The following DCLK2 variants were observed in gnomAD, a reference collection of about 807,000 sequenced individuals.
DCLK2 encodes the protein serine/threonine-protein kinase DCLK2.
In DCLK2, 31 loss-of-function variants were observed where a neutral mutation model predicts 78.4. The ratio of observed to expected loss-of-function variants is 0.40; its 90% CI spans 0.30 to 0.53. DCLK2 has a LOEUF of 0.53. Ranked by LOEUF, DCLK2 falls within the 20% of genes least tolerant of loss-of-function variation. DCLK2 has a pLI of 0.61. For missense variants in DCLK2, 872 were observed against 973.7 expected (o/e 0.90, Z 1.39); for synonymous variants, 407 against 374.9 (o/e 1.09, Z -0.99).
In DCLK2 at chr4:150,232,619, C is replaced by T. The variant is rs1233452430; in HGVS notation, c.1420-63C>T. On this transcript the variant is annotated intron_variant, in intron 9 of 15. Coordinates refer to ENST00000296550, the MANE Select transcript of DCLK2 (RefSeq NM_001040260.4). Reference sequence around the variant, plus strand: ...TCTCTGCTTTATGCCAATGAGCCATCTTTCTTACCTTCATAGGATTGCACT... The same window carrying T: ...TCTCTGCTTTATGCCAATGAGCCATTTTTCTTACCTTCATAGGATTGCACT... The T allele has an allele frequency of 1.9e-6, 3 of 1,567,946 alleles. No homozygotes were observed. The Admixed American group carries it at 5.2e-5, about 27-fold the overall frequency.
intron 2 of DCLK2, among the ~76,000 whole-genome samples, chr4:150,191,669 C>T (rs1738465198): frequency 6.6e-6 from 1 of 152,130 alleles, no homozygotes; most frequent in Admixed American, 6.5e-5. Flanking sequence ...ATACAGAAGC[C>T]ACATCTTGCT....
Position 150,079,195 on chromosome 4 carries a change from C to T in DCLK2, c.168C>T (p.Phe56=). 1 of 1,611,924 alleles carries T rather than the reference C, an allele frequency of 6.2e-7. No homozygotes were observed. The part of the protein sequence containing the change: ...PSPAHSAHCS[F]YRTRTLQALS... ...CGGCGCACAGTGCCCACTGCAGCTT[C>T]TACCGCACGCGGACCCTGCAGGCCC... The change falls in exon 1 of 16, where the codon TTC becomes TTT. Residue 56 remains phenylalanine (F), a synonymous_variant. Transcript: ENST00000296550.
At chr4:150,196,010 A>G (rs1158087144) in intron 3 of DCLK2, among the ~76,000 whole-genome samples, 1 of 152,144 alleles carries the variant, frequency 6.6e-6, no homozygotes, top group South Asian at 2.1e-4. Context: ...TGATTTTACA[A>G]TGAGCAAGTC....
rs751438505 is a variant in DCLK2, at chr4:150,198,007, C to T, written c.865C>T (p.Arg289Cys). 13 of 1,610,256 alleles carry T rather than the reference C, an allele frequency of 8.1e-6. No homozygotes were observed. Among genetic ancestry groups the T allele is most frequent in the East Asian group, 2.2e-5 (1 of 44,812 alleles). Residue 289 changes from arginine to cysteine, a missense_variant, in exon 4 of 16, where the codon CGT becomes TGT. By Grantham distance (180) the Arg-to-Cys change is radical. Coordinates refer to ENST00000296550, the MANE Select transcript of DCLK2 (RefSeq NM_001040260.4). ...GCACTTTTGTTCTTTTCTAGAATGT[C>T]GTGTCCTGAAGTCATCTTATTCTCG... ...DDFVLDHSEC[R>C]VLKSSYSRSS...
rs753854802 is a variant in DCLK2, at chr4:150,197,984, A to C, written c.860-18A>C. The C allele has an allele frequency of 1.8e-5, 29 of 1,597,236 alleles. No homozygotes were observed. The highest frequency in any genetic ancestry group is 1.7e-4 in the Middle Eastern group (1 of 6,018). ...TATTAAAACCAGATTTAGTTAATGCACTTTTGTTCTTTTCTAGAATGTCGT... is the reference window on the plus strand; with the variant it reads ...TATTAAAACCAGATTTAGTTAATGCCCTTTTGTTCTTTTCTAGAATGTCGT... On this transcript the variant is annotated intron_variant, in intron 3 of 15. Coordinates refer to ENST00000296550, the MANE Select transcript of DCLK2 (RefSeq NM_001040260.4).
At chr4:150,091,920 C>T (rs1730110629) in intron 1 of DCLK2, among the ~76,000 whole-genome samples, 1 of 152,024 alleles carries the variant, frequency 6.6e-6, no homozygotes, top group African/African-American at 2.4e-5. Flanking sequence ...AGAACTTTCT[C>T]ATCTTCATAA....
chr4:150,136,979 C>CTTTTTTTTTTTTTTTTTTTTTTTTTT (rs35729685), intron 2 of DCLK2, among the ~76,000 whole-genome samples: 1 of 82,404 alleles, frequency 1.2e-5, no homozygotes, highest in Non-Finnish European at 2.2e-5. Context: ...TCTTCTTCTT[C>CTTTTTTTTTTTTTTTTTTTTTTTTTT]TTTTTTTTTT....
At chr4:150,194,667 A>G (rs557431051) in intron 3 of DCLK2, among the ~76,000 whole-genome samples, 1 of 152,166 alleles carries the variant, frequency 6.6e-6, no homozygotes, top group South Asian at 2.1e-4. Context: ...TTATACACAC[A>G]TCACATTTCA....
chr4:150,232,855 C>T (rs774761868), intron 10 of DCLK2, 27 bp downstream of exon 10: 43 of 1,602,356 alleles, frequency 2.7e-5, no homozygotes, highest in Non-Finnish European at 3.7e-5. Flanking sequence ...TTTTCTGTTC[C>T]AATGAATGCC....
chr4:150,125,890 C>CA (rs1013102160), intron 2 of DCLK2, among the ~76,000 whole-genome samples: 43 of 149,086 alleles, frequency 2.9e-4, no homozygotes, highest in South Asian at 1.5e-3. Context: ...AATTTTGTCT[C>CA]AAAAAAAAAC....
At chr4:150,191,506 G>T (rs80231442) in intron 2 of DCLK2, among the ~76,000 whole-genome samples, 2 of 151,334 alleles carry the variant, frequency 1.3e-5, no homozygotes, top group African/African-American at 4.9e-5. Flanking sequence ...AAATGTGAGC[G>T]GTTGGTGAGG....
At chr4:150,168,144 C>T (rs947695774) in intron 2 of DCLK2, among the ~76,000 whole-genome samples, 6 of 152,142 alleles carry the variant, frequency 3.9e-5, no homozygotes, top group Non-Finnish European at 2.9e-5. Context: ...GAGATCGAGA[C>T]CATCCTGGCT....
intron 8 of DCLK2, among the ~76,000 whole-genome samples, chr4:150,231,743 A>G (rs751395209): frequency 6.6e-6 from 1 of 152,240 alleles, no homozygotes; most frequent in Non-Finnish European, 1.5e-5. Context: ...GTATGTTTTC[A>G]GATTTCTGAA....
chr4:150,219,022 A>G (rs1480680911), intron 5 of DCLK2, among the ~76,000 whole-genome samples: 2 of 152,046 alleles, frequency 1.3e-5, no homozygotes, highest in Non-Finnish European at 2.9e-5. Context: ...TGGGAAACAC[A>G]GTGAGACCCT....
chr4:150,227,880 G>C (rs77217638), intron 8 of DCLK2, among the ~76,000 whole-genome samples: 20,336 of 152,172 alleles, frequency 0.13, 1,793 homozygotes, highest in Non-Finnish European at 0.2. Context: ...CGTTTCCCCA[G>C]GCTGTGGGAA....
chr4:150,135,134 G>A (rs759551809), intron 2 of DCLK2, among the ~76,000 whole-genome samples: 14 of 144,534 alleles, frequency 9.7e-5, no homozygotes, highest in Non-Finnish European at 1.7e-4. Flanking sequence ...CTGGAGCAGT[G>A]GAAAAAAAAC....
At chr4:150,123,703 CTG>C (rs1732728320) in intron 2 of DCLK2, among the ~76,000 whole-genome samples, 1 of 152,122 alleles carries the variant, frequency 6.6e-6, no homozygotes, top group South Asian at 2.1e-4. Flanking sequence ...AGAGATATCC[CTG>C]TGTTTGCCTT....
intron 12 of DCLK2, among the ~76,000 whole-genome samples, chr4:150,245,715 G>A (rs1336073758): frequency 6.6e-6 from 1 of 152,136 alleles, no homozygotes; most frequent in Non-Finnish European, 1.5e-5. Context: ...TTTTATGACT[G>A]CATAGTATTC....
At chr4:150,142,370 G>A (rs1488418089) in intron 2 of DCLK2, among the ~76,000 whole-genome samples, 2 of 152,050 alleles carry the variant, frequency 1.3e-5, no homozygotes, top group Non-Finnish European at 2.9e-5. Flanking sequence ...TTCTCTGAAG[G>A]GTAATGGTAC....
Sources: allele counts gnomAD v4.1 joint callset (sites outside exome capture counted in the v4.1 genomes callset), GRCh38; gene constraint gnomAD v4.1.1; transcripts MANE v1.5; gene names NCBI Gene and HGNC (gene_info 2026-07-23, HGNC 2026-07-21).